CCDC85A: variants seen among roughly 807,000 people sequenced by gnomAD.
CCDC85A encodes coiled-coil domain containing 85A.
Under a neutral mutation model 50.2 loss-of-function variants are expected in CCDC85A, and 38 were observed. That is an observed-to-expected ratio of 0.76 (90% CI 0.58 to 0.99). The LOEUF is 0.99. Among genes scored for constraint, CCDC85A ranks in the 50% least tolerant of loss-of-function variants. The probability of loss-of-function intolerance (pLI) is 0.00; values close to 1 mark genes in which losing one functional copy is unlikely to be tolerated. For missense variants in CCDC85A, 820 were observed against 742.0 expected (o/e 1.11, Z -1.22); for synonymous variants, 366 against 301.4 (o/e 1.21, Z -2.22).
At chr2:56,333,551 G>A (rs1371331666) in intron 2 of CCDC85A, among the ~76,000 whole-genome samples, 1 of 152,106 alleles carries the variant, frequency 6.6e-6, no homozygotes, top group East Asian at 1.9e-4. Flanking sequence ...AATAAAGAAT[G>A]ATGTGATCAG....
chr2:56,307,456 G>A (rs7568158), intron 2 of CCDC85A, among the ~76,000 whole-genome samples: 1 of 152,136 alleles, frequency 6.6e-6, no homozygotes, highest in Non-Finnish European at 1.5e-5. Context: ...AGGTAGTGTA[G>A]AAATTTAATG....
In CCDC85A at chr2:56,192,366, C is replaced by T. The variant is rs1676334513; in HGVS notation, c.277-111C>T. The T allele has an allele frequency of 2.7e-6, 4 of 1,476,434 alleles. No individual in the cohort carries two copies. The highest frequency in any genetic ancestry group is 1.4e-5 in the African/African-American group (1 of 70,818). The allele number at this position is 1,476,434 out of a possible 1,614,324, so 91.5% of individuals were successfully genotyped here. On this transcript the variant is annotated intron_variant, in intron 1 of 5. Coordinates refer to ENST00000407595, the MANE Select transcript of CCDC85A (RefSeq NM_001080433.2). This position sits in a 1 kb window ranked among gnomAD's most constrained non-coding sequence, Gnocchi z 4.7. ...TTCCTCCTACTCCCTCACCTCCTCC[C>T]CTAACCTCACAGGTAATTCACCAGT...
At chr2:56,350,120 G>C (rs1351884688) in intron 3 of CCDC85A, among the ~76,000 whole-genome samples, 1 of 147,030 alleles carries the variant, frequency 6.8e-6, no homozygotes, top group African/African-American at 2.5e-5. Context: ...GAAGTTAAAA[G>C]TTAAAGATGA....
intron 2 of CCDC85A, among the ~76,000 whole-genome samples, chr2:56,269,216 A>G (rs1670590309): frequency 6.6e-6 from 1 of 152,124 alleles, no homozygotes; most frequent in South Asian, 2.1e-4. Flanking sequence ...GCAATAACTT[A>G]CCTTACCTGG....
At chr2:56,327,719 A>G (rs1049068869) in intron 2 of CCDC85A, among the ~76,000 whole-genome samples, 3 of 151,892 alleles carry the variant, frequency 2.0e-5, no homozygotes, top group East Asian at 1.9e-4. Flanking sequence ...TACATGGAAT[A>G]AAATGTCTGT....
chr2:56,245,374 C>T (rs1312739782), intron 2 of CCDC85A, among the ~76,000 whole-genome samples: 3 of 152,214 alleles, frequency 2.0e-5, no homozygotes, highest in African/African-American at 7.2e-5. Context: ...GCTCTACCTC[C>T]CACAAGCCCA....
intron 2 of CCDC85A, among the ~76,000 whole-genome samples, chr2:56,246,424 TA>T (rs922302106): frequency 3.2e-4 from 47 of 147,958 alleles, no homozygotes; most frequent in Admixed American, 7.4e-4. Context: ...GTGTCATATC[TA>T]AAAAAAAAAC....
chr2:56,350,399 C>G (rs1674857955), intron 3 of CCDC85A, among the ~76,000 whole-genome samples: 1 of 152,106 alleles, frequency 6.6e-6, no homozygotes, highest in Non-Finnish European at 1.5e-5. Context: ...GGTGAAACCC[C>G]ATCTCTACTA....
chr2:56,193,111 C>T lies in CCDC85A; in HGVS notation c.911C>T (p.Thr304Met), dbSNP rs1676372517. Residue 304 changes from threonine to methionine, a missense_variant, in exon 2 of 6, where the codon ACG (threonine) becomes ATG (methionine). Physicochemically the swap from Thr to Met is moderately conservative, Grantham distance 81. Coordinates refer to ENST00000407595, the MANE Select transcript of CCDC85A (RefSeq NM_001080433.2). ...CCGCATCCAGGGAGCAGCCCCGAAA[C>T]GCTGCCCAAGCACGTGCTGAGTGGG... Reference protein sequence around the residue: ...RHPHPGSSPETLPKHVLSGSP... With the variant: ...RHPHPGSSPEMLPKHVLSGSP... 2.5e-6 allele frequency: 4 copies of T among 1,613,576 alleles called. No individual in the cohort carries two copies. The highest frequency in any genetic ancestry group is 1.6e-4 in the Middle Eastern group (1 of 6,082).
chr2:56,314,417 G>A (rs1405491236), intron 2 of CCDC85A, among the ~76,000 whole-genome samples: 1 of 151,944 alleles, frequency 6.6e-6, no homozygotes, highest in African/African-American at 2.4e-5. Context: ...AGAAGGGTGG[G>A]TTGATGTGTA....
chr2:56,184,192 G>T lies in CCDC85A; in HGVS notation c.-433G>T. 1 of 989,614 alleles carries T rather than the reference G, an allele frequency of 1.0e-6. No homozygotes were observed. The highest frequency in any genetic ancestry group is 1.2e-6 in the Non-Finnish European group (1 of 832,868). The allele number at this position is 989,614 out of a possible 1,614,324, so 61.3% of individuals were successfully genotyped here. A position where few individuals can be genotyped will look rare whatever the true frequency, so the allele number is the denominator to read the frequency against. ...AGCCGGGGGCTGCAGCTGGGCAAGG[G>T]GGAGGAAAGTGCGTGTGCGTGCACG... is the stretch of plus-strand genomic sequence containing the variant. On this transcript the variant is annotated 5_prime_UTR_variant, in exon 1 of 6. Transcript: ENST00000407595.
intron 2 of CCDC85A, among the ~76,000 whole-genome samples, chr2:56,214,761 C>T (rs974213089): frequency 1.3e-5 from 2 of 151,944 alleles, no homozygotes; most frequent in Admixed American, 1.3e-4. Flanking sequence ...ACTAATTCCA[C>T]ACTGTCTTGA....
At chr2:56,329,955 T>TTG (rs1553412473) in intron 2 of CCDC85A, among the ~76,000 whole-genome samples, 22 of 85,678 alleles carry the variant, frequency 2.6e-4, no homozygotes, top group Non-Finnish European at 4.0e-4. Context: ...GTTTTTTTTT[T>TTG]TTTTTTTTTT....
chr2:56,296,997 A>G (rs1438767641), intron 2 of CCDC85A, among the ~76,000 whole-genome samples: 1 of 152,166 alleles, frequency 6.6e-6, no homozygotes, highest in Admixed American at 6.6e-5. Context: ...TAGTGTTTGC[A>G]TTTAATCATT....
chr2:56,201,104 A>G (rs1340690627), intron 2 of CCDC85A, among the ~76,000 whole-genome samples: 2 of 151,588 alleles, frequency 1.3e-5, no homozygotes, highest in African/African-American at 4.8e-5. Context: ...ACACACACAC[A>G]CACACACACA....
intron 2 of CCDC85A, among the ~76,000 whole-genome samples, chr2:56,325,828 A>G (rs1673438486): frequency 6.6e-6 from 1 of 152,084 alleles, no homozygotes; most frequent in Non-Finnish European, 1.5e-5. Context: ...AGATTCAAGC[A>G]CTTTGCTTTG....
At chr2:56,349,818 T>C (rs1407548373) in intron 3 of CCDC85A, among the ~76,000 whole-genome samples, 1 of 152,196 alleles carries the variant, frequency 6.6e-6, no homozygotes, top group East Asian at 1.9e-4. Context: ...AATTCTATCT[T>C]TGAATGAAGG....
At chr2:56,305,065 T>C (rs868422441) in intron 2 of CCDC85A, among the ~76,000 whole-genome samples, 72 of 150,120 alleles carry the variant, frequency 4.8e-4, no homozygotes, top group African/African-American at 1.8e-3. Context: ...ATTGTACCAC[T>C]GCACTCCAGC....
At chr2:56,234,444 A>G (rs1668913569) in intron 2 of CCDC85A, among the ~76,000 whole-genome samples, 1 of 152,020 alleles carries the variant, frequency 6.6e-6, no homozygotes, top group Non-Finnish European at 1.5e-5. Context: ...CTAGCTTTTC[A>G]TTTCTCAGCA....
Sources: allele counts gnomAD v4.1 joint callset (sites outside exome capture counted in the v4.1 genomes callset), GRCh38; gene constraint gnomAD v4.1.1; non-coding constraint Gnocchi (gnomAD v3.1); transcripts MANE v1.5; gene names NCBI Gene and HGNC (gene_info 2026-07-23, HGNC 2026-07-21).